INPP5B: variants seen among roughly 807,000 people sequenced by gnomAD.
INPP5B encodes the protein type II inositol 1,4,5-trisphosphate 5-phosphatase.
A neutral mutation model predicts 118.5 loss-of-function variants in INPP5B; 90 were observed. That is an observed-to-expected ratio of 0.76 (90% confidence interval 0.64 to 0.90). The LOEUF (loss-of-function observed/expected upper bound fraction) is 0.90. Among genes scored for constraint, INPP5B ranks in the 40% least tolerant of loss-of-function variants. The probability of loss-of-function intolerance (pLI) is 0.00; values close to 1 mark genes in which losing one functional copy is unlikely to be tolerated. For synonymous variants in INPP5B, 385 were observed against 418.9 expected (o/e 0.92, Z 0.99); for missense variants, 984 against 1,125.6 (o/e 0.87, Z 1.80).
chr1:37,932,043 A>G lies in INPP5B; in HGVS notation c.402T>C (p.Ser134=). The G allele has an allele frequency of 2.5e-6, 4 of 1,597,674 alleles. No individual in the cohort carries two copies. The highest frequency in any genetic ancestry group is 3.4e-6 in the Non-Finnish European group (4 of 1,170,982). ...EVARACPGFD[S]ATRDPEFLWL... is the part of the protein sequence containing the mutation. ...ACAGGAATTCAGGATCCCGGGTCGC[A>G]GAATCGAAGCCTGTGCAGGAACAAA... The change falls in exon 7 of 24, where the codon TCT becomes TCC. Residue 134 remains serine (S), a synonymous_variant. Transcript: ENST00000373024.
intron 7 of INPP5B, among the ~76,000 whole-genome samples, chr1:37,902,548 T>C (rs927378061): frequency 6.6e-6 from 1 of 152,104 alleles, no homozygotes; most frequent in African/African-American, 2.4e-5. Flanking sequence ...GGTAAAACCC[T>C]ATTTCTACAA....
intron 13 of INPP5B, chr1:37,885,400 C>A (rs368676411): frequency 7.8e-6 from 3 of 385,118 alleles, no homozygotes; most frequent in African/African-American, 4.1e-5. Context: ...GGCGACAGAG[C>A]GCGACTCCAT....
At chr1:37,864,968 C>T (rs1641939595) in intron 22 of INPP5B, 1 of 152,408 alleles carries the variant, frequency 6.6e-6, no homozygotes, top group South Asian at 2.1e-4. Context: ...GGGTGGATCA[C>T]CTGAGGTCAG....
At chr1:37,897,105 A>G (rs1644137981) in intron 7 of INPP5B, among the ~76,000 whole-genome samples, 1 of 137,090 alleles carries the variant, frequency 7.3e-6, no homozygotes, top group Non-Finnish European at 1.6e-5. Context: ...TCCAGGAGGG[A>G]GGTCGGGGGG....
In INPP5B at chr1:37,902,053, C is replaced by T. The variant is rs551853862; in HGVS notation, c.533-10599G>A. 2.0e-5 allele frequency among the ~76,000 whole-genome samples: 3 copies of T among 151,432 alleles called. No homozygotes were observed. In the South Asian group the frequency reaches 6.3e-4, roughly 32 times the overall value. On this transcript the variant is annotated intron_variant, in intron 7 of 23. Coordinates refer to ENST00000373024, the MANE Select transcript of INPP5B (RefSeq NM_005540.3). Reference sequence around the variant, plus strand: ...CCAGGTTGGAGTGTGGTGGCGTGATCTCAGCTCACGGCTCCTCTGTGTCCT... The same window carrying T: ...CCAGGTTGGAGTGTGGTGGCGTGATTTCAGCTCACGGCTCCTCTGTGTCCT...
intron 8 of INPP5B, among the ~76,000 whole-genome samples, chr1:37,890,262 C>A (rs574959247): frequency 6.6e-6 from 1 of 152,130 alleles, no homozygotes; most frequent in South Asian, 2.1e-4. Flanking sequence ...ATAATCCCAG[C>A]TCCTCGGGAG....
chr1:37,933,343 T>A (rs1014926030), intron 6 of INPP5B, among the ~76,000 whole-genome samples: 2 of 151,702 alleles, frequency 1.3e-5, no homozygotes, highest in Non-Finnish European at 2.9e-5. Flanking sequence ...GGTCAGGAGA[T>A]CCAGACCATC....
Position 37,889,726 on chromosome 1 carries a change from T to C in INPP5B, c.630-2A>G. ...ATTTCGGACTTGGATTTATTCTGTC[T>C]GGAAAAACAGAAGTATTTTTTTCAT... is the stretch of plus-strand genomic sequence containing the variant. On this transcript the variant is annotated splice_acceptor_variant, in intron 8 of 23. Transcript: ENST00000373024. LOFTEE classifies it high-confidence loss of function. 8.1e-6 allele frequency: 13 copies of C among 1,604,014 alleles called. No homozygotes were observed. Among genetic ancestry groups the C allele is most frequent in the Non-Finnish European group, 1.1e-5 (13 of 1,174,906 alleles).
At chr1:37,934,257 T>A (rs1025928477) in intron 6 of INPP5B, among the ~76,000 whole-genome samples, 3 of 152,136 alleles carry the variant, frequency 2.0e-5, no homozygotes, top group Admixed American at 6.6e-5. Flanking sequence ...TGATGATTGA[T>A]CTTGGGTAAG....
Position 37,866,535 on chromosome 1 carries a change from C to T in INPP5B, c.2310G>A (p.Leu770=), listed in dbSNP as rs755173167. Reference sequence around the variant, plus strand: ...CTGACCTCAGGCCTGGTTGCTGAAACAGATCTTCCTGCAAAAGGGAAGACA... The same window carrying T: ...CTGACCTCAGGCCTGGTTGCTGAAATAGATCTTCCTGCAAAAGGGAAGACA... ...LYRNAVQQED[L]FQQPGLRSEF... Residue 770 remains leucine (L), a synonymous_variant, in exon 21 of 24, where the codon CTG becomes CTA. Coordinates refer to ENST00000373024, the MANE Select transcript of INPP5B (RefSeq NM_005540.3). 1.3e-6 allele frequency: 2 copies of T among 1,596,994 alleles called. No homozygotes were observed. Among genetic ancestry groups the T allele is most frequent in the Non-Finnish European group, 1.7e-6 (2 of 1,164,460 alleles).
chr1:37,866,252 G>C (rs1171689772), intron 21 of INPP5B, among the ~76,000 whole-genome samples: 1 of 152,130 alleles, frequency 6.6e-6, no homozygotes, highest in African/African-American at 2.4e-5. Flanking sequence ...GATGGACCCT[G>C]TCTCAAAAAA....
rs1452928715 is a variant in INPP5B, at chr1:37,863,816, C to T, written c.2626+496G>A. Among the ~76,000 whole-genome samples, 3 of 137,778 alleles carry T rather than the reference C, an allele frequency of 2.2e-5. No homozygotes were observed. The Admixed American group carries it at 2.2e-4, about 10-fold the overall frequency. The allele number at this position is 137,778 out of a possible 152,430, so 90.4% of individuals were successfully genotyped here. A position where few individuals can be genotyped will look rare whatever the true frequency, so the allele number is the denominator to read the frequency against. ...AGATGTTATATGGTACATGACTATA[C>T]TTTTTTTTTTTTTTTTGAGATGGAG... is the stretch of plus-strand genomic sequence containing the variant. On this transcript the variant is annotated intron_variant, in intron 23 of 23. Coordinates refer to ENST00000373024, the MANE Select transcript of INPP5B (RefSeq NM_005540.3).
intron 13 of INPP5B, 147 bp downstream of exon 13, chr1:37,885,491 G>C (rs1411923997): frequency 7.1e-6 from 4 of 563,286 alleles, no homozygotes; most frequent in Non-Finnish European, 9.4e-6. Flanking sequence ...ATATTTTCAA[G>C]AGATATAATC....
chr1:37,923,781 C>CT (rs35911212), intron 7 of INPP5B, among the ~76,000 whole-genome samples: 28 of 147,886 alleles, frequency 1.9e-4, no homozygotes, highest in African/African-American at 3.0e-4. Context: ...AAGTGCAGTT[C>CT]TTTTTTTTTT....
rs375512550 is a variant in INPP5B at position 37,943,687 on chromosome 1, A to T, written c.251-18T>A. The T allele has an allele frequency of 6.2e-6, 10 of 1,613,904 alleles. No individual in the cohort carries two copies. The African/African-American group carries it at 1.3e-4, about 22-fold the overall frequency. ...TGGGGACACTGTGGGGAGGGAAATGAGAATGCCCTTAGCAATTGAGCTTAC... is the reference window on the plus strand; with the variant it reads ...TGGGGACACTGTGGGGAGGGAAATGTGAATGCCCTTAGCAATTGAGCTTAC... On this transcript the variant is annotated intron_variant, in intron 4 of 23. Transcript: ENST00000373024.
At chr1:37,942,325 T>C (rs185642900) in intron 5 of INPP5B, 4 of 151,630 alleles carry the variant, frequency 2.6e-5, no homozygotes, top group African/African-American at 4.8e-5. Flanking sequence ...TCCCAGCTAC[T>C]TGGGAGGCTG....
chr1:37,891,399 T>C lies in INPP5B; in HGVS notation c.588A>G (p.Gln196=). The C allele has an allele frequency of 6.2e-7, 1 of 1,614,080 alleles. No individual in the cohort carries two copies. Among genetic ancestry groups the C allele is most frequent in the Non-Finnish European group, 8.5e-7 (1 of 1,179,978 alleles). The change falls in exon 8 of 24, where the codon CAA becomes CAG. Residue 196 remains glutamine, a synonymous_variant. Coordinates refer to ENST00000373024, the MANE Select transcript of INPP5B (RefSeq NM_005540.3). ...CTGGTTTATCTTGACCCCTGGAGCT[T>C]TGGTCCATAGGCACTCCCTTCCCAT... The part of the protein sequence containing the change: ...RPNGKGVPMD[Q]SSRGQDKPES...
chr1:37,873,594 C>T (rs192324240), intron 18 of INPP5B, among the ~76,000 whole-genome samples: 63 of 152,150 alleles, frequency 4.1e-4, no homozygotes, highest in Admixed American at 2.9e-3. Flanking sequence ...ATGCAGAGTG[C>T]GAAGGAGAAG....
At chr1:37,892,856 AGTGCCCTT>A (rs752970344) in intron 7 of INPP5B, among the ~76,000 whole-genome samples, 11 of 152,222 alleles carry the variant, frequency 7.2e-5, no homozygotes, top group Non-Finnish European at 1.3e-4. Flanking sequence ...GATTGGGATT[AGTGCCCTT>A]ATAAGGGTTG....
Sources: allele counts gnomAD v4.1 joint callset (sites outside exome capture counted in the v4.1 genomes callset), GRCh38; gene constraint gnomAD v4.1.1; transcripts MANE v1.5; gene names NCBI Gene and HGNC (gene_info 2026-07-23, HGNC 2026-07-21).